CNBD1: variants seen among roughly 807,000 people sequenced by gnomAD.
The protein encoded by CNBD1 is cyclic nucleotide binding domain containing 1, also known as cyclic nucleotide-binding domain-containing protein 1.
Under a neutral mutation model 54.4 loss-of-function variants are expected in CNBD1, and 71 were observed. That is an observed-to-expected ratio of 1.30 (90% CI 1.08 to 1.59). The LOEUF (loss-of-function observed/expected upper bound fraction) is 1.59. CNBD1 is among the 40% of genes most tolerant of loss of function. CNBD1 has a pLI of 0.00. For missense variants in CNBD1, 659 were observed against 518.0 expected, an observed-to-expected ratio of 1.27 and a Z score of -2.64; for synonymous variants, 182 against 170.7, an observed-to-expected ratio of 1.07 and a Z score of -0.51.
At chr8:87,059,859 T>C (rs1810505771) in intron 4 of CNBD1, among the ~76,000 whole-genome samples, 1 of 152,176 alleles carries the variant, frequency 6.6e-6, no homozygotes, top group African/African-American at 2.4e-5. Flanking sequence ...TGAGATCCAG[T>C]GGGAAACTGG....
At chr8:87,032,761 T>C (rs1809822694) in intron 4 of CNBD1, among the ~76,000 whole-genome samples, 1 of 152,238 alleles carries the variant, frequency 6.6e-6, no homozygotes, top group Non-Finnish European at 1.5e-5. Flanking sequence ...ATCAATGTCA[T>C]AAAAGAGTAA....
At chr8:87,316,189 A>T (rs1452062997) in intron 8 of CNBD1, among the ~76,000 whole-genome samples, 1 of 152,040 alleles carries the variant, frequency 6.6e-6, no homozygotes, top group Non-Finnish European at 1.5e-5. Context: ...ATATTGTTGC[A>T]TACATAAAAA....
At chr8:86,956,357 A>T (rs1359520463) in intron 4 of CNBD1, among the ~76,000 whole-genome samples, 1 of 152,106 alleles carries the variant, frequency 6.6e-6, no homozygotes, top group African/African-American at 2.4e-5. Context: ...GTTTTTTCCA[A>T]TTCTGTGAAG....
intron 2 of CNBD1, among the ~76,000 whole-genome samples, chr8:87,425,929 C>G (rs1015442551): frequency 1.3e-5 from 2 of 152,196 alleles, no homozygotes; most frequent in Non-Finnish European, 2.9e-5. Flanking sequence ...TCACTGCTGC[C>G]TTGCAGTTTG....
chr8:87,091,261 A>G (rs1440733630), intron 4 of CNBD1, among the ~76,000 whole-genome samples: 1 of 152,166 alleles, frequency 6.6e-6, no homozygotes, highest in Admixed American at 6.6e-5. Flanking sequence ...GTATTTAGAC[A>G]TACAGTTTAT....
intron 4 of CNBD1, among the ~76,000 whole-genome samples, chr8:87,201,150 T>C (rs1007779638): frequency 3.9e-5 from 6 of 152,096 alleles, no homozygotes; most frequent in Admixed American, 2.0e-4. Flanking sequence ...CCACATGATT[T>C]TCTTTATAAA....
chr8:86,938,268 C>T (rs1809586573), intron 3 of CNBD1, among the ~76,000 whole-genome samples: 1 of 152,176 alleles, frequency 6.6e-6, no homozygotes, highest in Non-Finnish European at 1.5e-5. Context: ...TTGCTCAAAG[C>T]CATTTGACAA....
At chr8:87,324,520 G>T (rs1159721381) in intron 8 of CNBD1, among the ~76,000 whole-genome samples, 2 of 145,354 alleles carry the variant, frequency 1.4e-5, no homozygotes, top group Non-Finnish European at 3.0e-5. Context: ...CTTCTTCCTG[G>T]TTTAGTCTTG....
At chr8:87,396,795 A>G (rs1811414875) in intron 2 of CNBD1, among the ~76,000 whole-genome samples, 1 of 151,442 alleles carries the variant, frequency 6.6e-6, no homozygotes, top group Non-Finnish European at 1.5e-5. Context: ...TAATATTTTC[A>G]AATACCACCC....
intron 10 of CNBD1, among the ~76,000 whole-genome samples, chr8:87,381,896 A>G (rs1368795371): frequency 6.6e-6 from 1 of 151,974 alleles, no homozygotes. Context: ...TCAGTTACAC[A>G]AGATGAATAA....
chr8:86,914,306 G>A (rs938138020), intron 3 of CNBD1, among the ~76,000 whole-genome samples: 7 of 152,158 alleles, frequency 4.6e-5, no homozygotes, highest in Non-Finnish European at 8.8e-5. Context: ...ATGTTCTTCT[G>A]CCATGGCTTC....
intron 4 of CNBD1, among the ~76,000 whole-genome samples, chr8:87,145,551 G>A (rs1332793992): frequency 6.6e-6 from 1 of 152,028 alleles, no homozygotes; most frequent in African/African-American, 2.4e-5. Context: ...AAGTAATAAT[G>A]ATAAGTATGA....
At chr8:87,268,979 A>C (rs1808313812) in intron 6 of CNBD1, among the ~76,000 whole-genome samples, 1 of 151,986 alleles carries the variant, frequency 6.6e-6, no homozygotes, top group African/African-American at 2.4e-5. Flanking sequence ...TTGGGGACTT[A>C]GTTATAAATT....
chr8:87,411,847 T>C (rs1193229691), intron 2 of CNBD1, among the ~76,000 whole-genome samples: 1 of 151,934 alleles, frequency 6.6e-6, no homozygotes, highest in Non-Finnish European at 1.5e-5. Context: ...TCAATAATAA[T>C]ATAATAAGTG....
intron 4 of CNBD1, among the ~76,000 whole-genome samples, chr8:87,187,127 C>T (rs1479221313): frequency 7.9e-6 from 1 of 126,032 alleles, no homozygotes; most frequent in Admixed American, 8.8e-5. Context: ...AAAAATCAAT[C>T]TCCAAAAAGG....
At chr8:87,358,730 A>T (rs1255787637) in intron 10 of CNBD1, among the ~76,000 whole-genome samples, 1 of 152,162 alleles carries the variant, frequency 6.6e-6, no homozygotes, top group Non-Finnish European at 1.5e-5. Flanking sequence ...TGAAGGTCTG[A>T]AGGGGAACTG....
intron 5 of CNBD1, among the ~76,000 whole-genome samples, chr8:87,231,002 T>G (rs1177251536): frequency 1.3e-5 from 2 of 152,120 alleles, no homozygotes; most frequent in Non-Finnish European, 2.9e-5. Context: ...TCAGGAAACT[T>G]ACATTCATGG....
chr8:87,074,821 C>G (rs1424984690), intron 4 of CNBD1, among the ~76,000 whole-genome samples: 1 of 152,180 alleles, frequency 6.6e-6, no homozygotes, highest in African/African-American at 2.4e-5. Context: ...ATTCACTTGC[C>G]TCTTTCATTC....
In CNBD1 at chr8:87,182,577, A is replaced by G. The variant is rs1255128268; in HGVS notation, c.432-23416A>G. Among the ~76,000 whole-genome samples the G allele has an allele frequency of 6.6e-6, 1 of 151,950 alleles. No individual in the cohort carries two copies. The highest frequency in any genetic ancestry group is 1.5e-5 in the Non-Finnish European group (1 of 68,012). On this transcript the variant is annotated intron_variant, in intron 4 of 10. Transcript: ENST00000518476. The surrounding 1 kb of genome is among the most constrained non-coding windows in gnomAD (Gnocchi z 4.1). ...TTTGTTATTTTTTGACTTTTTAATGATAGCCATTCTGACTGATACGAGATG... is the reference window on the plus strand; with the variant it reads ...TTTGTTATTTTTTGACTTTTTAATGGTAGCCATTCTGACTGATACGAGATG...
Sources: gnomAD v4.1 joint callset for allele counts (sites outside exome capture counted in the v4.1 genomes callset) on GRCh38, gnomAD v4.1.1 for gene constraint, Gnocchi (gnomAD v3.1) non-coding constraint, MANE v1.5 for transcripts, NCBI Gene and HGNC (gene_info 2026-07-23, HGNC 2026-07-21) for gene names.